TLR3: variants seen among roughly 807,000 people sequenced by gnomAD.
TLR3 encodes the protein toll like receptor 3, also known as toll-like receptor 3.
A neutral mutation model predicts 66.4 loss-of-function variants in TLR3; 43 were observed. The ratio of observed to expected loss-of-function variants is 0.65; its 90% CI spans 0.51 to 0.83. The LOEUF (loss-of-function observed/expected upper bound fraction) is 0.83. TLR3 is among the 40% of genes least tolerant of loss of function. TLR3 has a pLI of 0.00. For missense variants in TLR3, 982 were observed against 1,044.6 expected (o/e 0.94, Z 0.83); for synonymous variants, 397 against 397.2 (o/e 1.00, Z 0.01).
At position 186,082,312 on chromosome 4, in the gene TLR3, A is replaced by G; in HGVS notation, c.634-8A>G. 1 of 1,512,114 alleles carries G rather than the reference A, an allele frequency of 6.6e-7. No homozygotes were observed. The highest frequency in any genetic ancestry group is 1.1e-5 in the South Asian group (1 of 89,156). 93.7% of individuals were successfully genotyped at this position (1,512,114 alleles called of 1,614,324 possible). A position where few individuals can be genotyped will look rare whatever the true frequency, so the allele number is the denominator to read the frequency against. ...GATTGTTAACCTCTTTTTTTTTCCT[A>G]CCTTTAGTTTTCTCCAGGGTGTTTT... On this transcript the variant is annotated splice_polypyrimidine_tract_variant and splice_region_variant and intron_variant, in intron 3 of 4. Coordinates refer to ENST00000296795, the MANE Select transcript of TLR3 (RefSeq NM_003265.3).
chr4:186,077,613 A>AT (rs2099302667), intron 2 of TLR3, among the ~76,000 whole-genome samples: 5 of 151,078 alleles, frequency 3.3e-5, no homozygotes, highest in Non-Finnish European at 5.9e-5. Flanking sequence ...TTTTCTTTTT[A>AT]GTTGATGTTT....
chr4:186,069,792 GA>G (rs1360131572), intron 1 of TLR3, among the ~76,000 whole-genome samples: 1 of 152,226 alleles, frequency 6.6e-6, no homozygotes, highest in Non-Finnish European at 1.5e-5. Flanking sequence ...TGGAGAAGTG[GA>G]AAGTTGTTAA....
rs759473498 is a variant in TLR3, at chr4:186,084,932, G to A, written c.*59G>A. 642 of 1,388,942 alleles carry A rather than the reference G, an allele frequency of 4.6e-4. No homozygotes were observed. Among genetic ancestry groups the A allele is most frequent in the Non-Finnish European group, 5.9e-4 (583 of 994,874 alleles). The allele number at this position is 1,388,942 out of a possible 1,614,324, so 86.0% of individuals were successfully genotyped here. A position where few individuals can be genotyped will look rare whatever the true frequency, so the allele number is the denominator to read the frequency against. On this transcript the variant is annotated 3_prime_UTR_variant, in exon 5 of 5. Transcript: ENST00000296795. ...CTTTCTCAATTTAAAAAGTTCTATG[G>A]CAAATTTAAGTTTTCCATAAAGGTG...
intron 3 of TLR3, 22 bp from the exon 4 acceptor site, chr4:186,082,298 T>C: frequency 1.3e-6 from 2 of 1,597,772 alleles, no homozygotes; most frequent in Non-Finnish European, 1.7e-6. Context: ...ATTGTTAACC[T>C]CTTTTTTTTT....
At position 186,076,502 on chromosome 4, in the gene TLR3, C is replaced by T. The variant is rs2150066229; in HGVS notation, c.-7-111C>T. 3 of 1,021,228 alleles carry T rather than the reference C, an allele frequency of 2.9e-6. No individual in the cohort carries two copies. In the South Asian group the frequency reaches 3.9e-5, roughly 13 times the overall value. The allele number at this position is 1,021,228 out of a possible 1,614,324, so 63.3% of individuals were successfully genotyped here. A position where few individuals can be genotyped will look rare whatever the true frequency, so the allele number is the denominator to read the frequency against. The stretch of plus-strand genomic sequence containing the variant: ...TATGGCATAAAACTATGAGTAATAA[C>T]ATCATACATGGTCATATTTTGGTGA... On this transcript the variant is annotated intron_variant, in intron 1 of 4. Transcript: ENST00000296795.
rs115849826 is a variant in TLR3, at chr4:186,073,134, C to T, written c.-7-3479C>T. 9.1e-4 allele frequency among the ~76,000 whole-genome samples: 138 copies of T among 152,260 alleles called. 1 individual carries two copies. The highest frequency in any genetic ancestry group is 3.4e-3 in the Middle Eastern group (1 of 294). On this transcript the variant is annotated intron_variant, in intron 1 of 4. Transcript: ENST00000296795. ...AAATATTTCAGTGGAAGAGAGTAGA[C>T]AGCCCAGAAATAGACCCTCGCTTAA...
rs760876998 is a variant in TLR3, at chr4:186,082,925, C to T, written c.1239C>T (p.Asn413=). The T allele has an allele frequency of 6.2e-7, 1 of 1,614,182 alleles. No homozygotes were observed. The highest frequency in any genetic ancestry group is 1.7e-5 in the Admixed American group (1 of 60,024). ...SLAHSPLHIL[N]LTKNKISKIE... ...CTCATTCTCCCTTACACATACTCAACCTAACCAAGAATAAAATCTCAAAAA... is the reference window on the plus strand; with the variant it reads ...CTCATTCTCCCTTACACATACTCAATCTAACCAAGAATAAAATCTCAAAAA... Residue 413 remains asparagine (N), a synonymous_variant, in exon 4 of 5, where the codon AAC becomes AAT. Transcript: ENST00000296795.
intron 3 of TLR3, 43 bp from the exon 4 acceptor site, chr4:186,082,275 CTG>C: frequency 1.4e-6 from 1 of 734,060 alleles, no homozygotes. Context: ...ATTACAGAGT[CTG>C]TGTTCTTTTG....
intron 2 of TLR3, among the ~76,000 whole-genome samples, chr4:186,077,923 T>G (rs968503245): frequency 4.6e-5 from 7 of 152,182 alleles, no homozygotes; most frequent in African/African-American, 1.7e-4. Flanking sequence ...TACTTCATTT[T>G]ATGGCCTTAT....
intron 1 of TLR3, among the ~76,000 whole-genome samples, chr4:186,073,804 G>A (rs2099301943): frequency 6.6e-6 from 1 of 152,002 alleles, no homozygotes. Flanking sequence ...CACACACTGG[G>A]AATAAATATT....
rs983600463 is a variant in TLR3 at position 186,085,992 on chromosome 4, T to G, written c.*1119T>G. 1.3e-5 allele frequency: 2 copies of G among 152,226 alleles called. No homozygotes were observed. The highest frequency in any genetic ancestry group is 1.3e-4 in the Admixed American group (2 of 15,274). The allele number at this position is 152,226 out of a possible 1,614,324, so 9.4% of individuals were successfully genotyped here. On this transcript the variant is annotated 3_prime_UTR_variant, in exon 5 of 5. Coordinates refer to ENST00000296795, the MANE Select transcript of TLR3 (RefSeq NM_003265.3). ...TATTCTCCTGCCTCAGCCACCCGAG[T>G]AGCTGGGATTACAGGCACATGCCAC... is the stretch of plus-strand genomic sequence containing the variant.
rs2099303728 is a variant in TLR3 at position 186,082,636 on chromosome 4, CTT to C, written c.952_953del (p.Leu318AlafsTer17). ...AATATACAGCATTTGTTTTCTCACT[CTT>C]TGCACGGGCTTTTCAATGTGAGGTA... On this transcript the variant is annotated frameshift_variant, in exon 4 of 5. Coordinates refer to ENST00000296795, the MANE Select transcript of TLR3 (RefSeq NM_003265.3). LOFTEE classifies it high-confidence loss of function. 15 of 1,614,060 alleles carry C rather than the reference CTT, an allele frequency of 9.3e-6. No individual in the cohort carries two copies. The highest frequency in any genetic ancestry group is 1.3e-5 in the Non-Finnish European group (15 of 1,179,934).
At position 186,084,141 on chromosome 4, in the gene TLR3, C is replaced by T. The variant is rs1476463610; in HGVS notation, c.2455C>T (p.His819Tyr). 5 of 1,613,792 alleles carry T rather than the reference C, an allele frequency of 3.1e-6. No individual in the cohort carries two copies. The highest frequency in any genetic ancestry group is 2.5e-6 in the Non-Finnish European group (3 of 1,179,952). ...RSRKIIFVIT[H>Y]HLLKDPLCKR... ...CAGAAAAATTATTTTTGTTATAACA[C>T]ACCATCTATTAAAAGACCCATTATG... is the stretch of plus-strand genomic sequence containing the variant. Residue 819 changes from histidine to tyrosine, a missense_variant, in exon 4 of 5, where the codon CAC becomes TAC. His to Tyr is a moderately conservative substitution (Grantham distance 83, BLOSUM62 2). Coordinates refer to ENST00000296795, the MANE Select transcript of TLR3 (RefSeq NM_003265.3).
Position 186,070,386 on chromosome 4 carries a change from T to C in TLR3, c.-8+1138T>C, listed in dbSNP as rs142760491. On this transcript the variant is annotated intron_variant, in intron 1 of 4. Transcript: ENST00000296795. The stretch of plus-strand genomic sequence containing the variant: ...TTTTATTTTATTTTATTTCATTTTA[T>C]TTCATTTATCGATTTAGAGACAAGG... Among the ~76,000 whole-genome samples the C allele has an allele frequency of 1.5e-3, 220 of 151,474 alleles. 4 individuals are homozygous for C. In the East Asian group the frequency reaches 0.032, roughly 22 times the overall value.
At position 186,076,751 on chromosome 4, in the gene TLR3, G is replaced by C; in HGVS notation, c.132G>C (p.Gln44His). The change falls in exon 2 of 5, where the codon CAG becomes CAC. Residue 44 changes from glutamine (Q) to histidine (H), a missense_variant. Physicochemically the swap from Gln to His is conservative, Grantham distance 24 (BLOSUM62 0). This residue lies in a region of TLR3 where 313 missense variants were observed against 319.0 expected (regional missense o/e 0.98). Transcript: ENST00000296795. ...VADCSHLKLTQVPDDLPTNIT... is the reference protein window; with the variant it reads ...VADCSHLKLTHVPDDLPTNIT... ...ACTGCAGCCACCTGAAGTTGACTCAGGTACCCGATGATCTACCCACAAACA... is the reference window on the plus strand; with the variant it reads ...ACTGCAGCCACCTGAAGTTGACTCACGTACCCGATGATCTACCCACAAACA... 1 of 1,614,014 alleles carries C rather than the reference G, an allele frequency of 6.2e-7. No individual in the cohort carries two copies. Among genetic ancestry groups the C allele is most frequent in the East Asian group, 2.2e-5 (1 of 44,866 alleles).
rs566577183 is a variant in TLR3, at chr4:186,084,996, C to A, written c.*123C>A. On this transcript the variant is annotated 3_prime_UTR_variant, in exon 5 of 5. Coordinates refer to ENST00000296795, the MANE Select transcript of TLR3 (RefSeq NM_003265.3). Reference sequence around the variant, plus strand: ...ATTCATATTTGTAAATGATTATATTCTATCACAATTACATCTCTTCTAGGA... The same window carrying A: ...ATTCATATTTGTAAATGATTATATTATATCACAATTACATCTCTTCTAGGA... 3.8e-6 allele frequency: 3 copies of A among 785,974 alleles called. No homozygotes were observed. The highest frequency in any genetic ancestry group is 1.7e-5 in the South Asian group (1 of 60,286). 48.7% of individuals were successfully genotyped at this position (785,974 alleles called of 1,614,324 possible). A position where few individuals can be genotyped will look rare whatever the true frequency, so the allele number is the denominator to read the frequency against.
chr4:186,085,327 C>T lies in TLR3; in HGVS notation c.*454C>T, dbSNP rs145310902. 748 of 156,980 alleles carry T rather than the reference C, an allele frequency of 4.8e-3. 13 individuals carry two copies. Among genetic ancestry groups the T allele is most frequent in the African/African-American group, 0.017 (720 of 41,544 alleles). 9.7% of individuals were successfully genotyped at this position (156,980 alleles called of 1,614,324 possible). On this transcript the variant is annotated 3_prime_UTR_variant, in exon 5 of 5. Coordinates refer to ENST00000296795, the MANE Select transcript of TLR3 (RefSeq NM_003265.3). ...CCCATATTTTTAACAAGTTTAATTA[C>T]AGTATTTTTTCAATGGAAAAACTTT...
rs766214573 is a variant in TLR3 at position 186,076,701 on chromosome 4, T to G, written c.82T>G (p.Cys28Gly). 5 of 1,614,220 alleles carry G rather than the reference T, an allele frequency of 3.1e-6. No individual in the cohort carries two copies. The highest frequency in any genetic ancestry group is 2.2e-5 in the East Asian group (1 of 44,872). ...GMLCASSTTK[C>G]TVSHEVADCS... ...GCTGTGTGCATCCTCCACCACCAAG[T>G]GCACTGTTAGCCATGAAGTTGCTGA... Residue 28 changes from cysteine (C) to glycine (G), a missense_variant, in exon 2 of 5, where the codon TGC becomes GGC. Cys to Gly is a radical substitution (Grantham distance 159, BLOSUM62 -3). Around this residue, in one of 3 missense-constraint regions of TLR3, gnomAD observed 313 missense variants for 319.0 expected, o/e 0.98. Transcript: ENST00000296795.
Position 186,069,213 on chromosome 4 carries a change from G to A in TLR3, c.-43G>A, listed in dbSNP as rs1024910007. On this transcript the variant is annotated 5_prime_UTR_variant, in exon 1 of 5. Transcript: ENST00000296795. ...TTCCCTGATGAAATGTCTGGATTTG[G>A]ACTAAAGAAAAAAGGAAAGGCTAGC... is the stretch of plus-strand genomic sequence containing the variant. 1.3e-5 allele frequency: 2 copies of A among 152,128 alleles called. No individual in the cohort carries two copies. The highest frequency in any genetic ancestry group is 3.4e-3 in the Middle Eastern group (1 of 294). The allele number at this position is 152,128 out of a possible 1,614,324, so 9.4% of individuals were successfully genotyped here. A position where few individuals can be genotyped will look rare whatever the true frequency, so the allele number is the denominator to read the frequency against.
Sources: gnomAD v4.1 joint callset for allele counts (sites outside exome capture counted in the v4.1 genomes callset) on GRCh38, gnomAD v4.1.1 for gene constraint, gnomAD v4.1.1 regional missense constraint, MANE v1.5 for transcripts, NCBI Gene and HGNC (gene_info 2026-07-23, HGNC 2026-07-21) for gene names.